TRUB1: variants seen among roughly 807,000 people sequenced by gnomAD.
TRUB1 encodes the protein TruB pseudouridine synthase family member 1, also known as pseudouridylate synthase TRUB1.
In TRUB1, 23 loss-of-function variants were observed where a neutral mutation model predicts 33.9. The observed-to-expected ratio is 0.68, with a 90% CI of 0.49 to 0.96. TRUB1 has a LOEUF of 0.96. Among genes scored for constraint, TRUB1 ranks in the 40% least tolerant of loss-of-function variants. The pLI is 0.00. For synonymous variants in TRUB1, 163 were observed against 165.4 expected (o/e 0.99, Z 0.11); for missense variants, 378 against 422.2 (o/e 0.90, Z 0.92).
At chr10:114,972,551 A>C (rs1246719838) in intron 6 of TRUB1, among the ~76,000 whole-genome samples, 1 of 152,180 alleles carries the variant, frequency 6.6e-6, no homozygotes, top group African/African-American at 2.4e-5. Flanking sequence ...CATACTTTAG[A>C]TCTCTATAGA....
chr10:114,972,388 G>T lies in TRUB1; in HGVS notation c.736+114G>T, dbSNP rs2084341051. On this transcript the variant is annotated intron_variant, in intron 6 of 7. Transcript: ENST00000298746. The stretch of plus-strand genomic sequence containing the variant: ...GGATGTTGGAGATTTTTTAAAATTT[G>T]AATTTAAGGAAAGTTAGGATTTCTT... 2.5e-6 allele frequency: 3 copies of T among 1,216,000 alleles called. No homozygotes were observed. The South Asian group carries it at 4.8e-5, about 19-fold the overall frequency. The allele number at this position is 1,216,000 out of a possible 1,614,324, so 75.3% of individuals were successfully genotyped here. A position where few individuals can be genotyped will look rare whatever the true frequency, so the allele number is the denominator to read the frequency against.
At chr10:114,973,954 A>T (rs1203108106) in intron 6 of TRUB1, among the ~76,000 whole-genome samples, 1 of 152,198 alleles carries the variant, frequency 6.6e-6, no homozygotes, top group Non-Finnish European at 1.5e-5. Context: ...CTAACCATTT[A>T]CAACCTATTA....
intron 2 of TRUB1, 132 bp from the exon 3 acceptor site, chr10:114,950,962 C>A: frequency 1.5e-6 from 1 of 660,354 alleles, no homozygotes; most frequent in Non-Finnish European, 2.6e-6. Flanking sequence ...GGAGCCCTAA[C>A]ATTTTGCTAA....
chr10:114,943,482 A>G (rs2084198140), intron 2 of TRUB1, among the ~76,000 whole-genome samples: 1 of 152,172 alleles, frequency 6.6e-6, no homozygotes, highest in Non-Finnish European at 1.5e-5. Context: ...GTGAGCCGAG[A>G]TCGCACCACT....
chr10:114,955,968 A>G (rs1227288803), intron 3 of TRUB1, among the ~76,000 whole-genome samples: 2 of 152,150 alleles, frequency 1.3e-5, no homozygotes, highest in East Asian at 3.8e-4. Context: ...TAATATCCCT[A>G]TTTTGTTTGT....
intron 4 of TRUB1, 141 bp downstream of exon 4, chr10:114,959,948 T>C: frequency 1.7e-6 from 1 of 601,008 alleles, no homozygotes; most frequent in Non-Finnish European, 2.9e-6. Flanking sequence ...GATTGGAAAT[T>C]GTTTATCGCA....
In TRUB1 at chr10:114,959,766, C is replaced by T. The variant is rs151175881; in HGVS notation, c.482C>T (p.Thr161Ile). The T allele has an allele frequency of 2.2e-5, 35 of 1,609,288 alleles. No homozygotes were observed. Among genetic ancestry groups the T allele is most frequent in the Non-Finnish European group, 2.9e-5 (34 of 1,175,876 alleles). Residue 161 changes from threonine to isoleucine, a missense_variant, in exon 4 of 8, where the codon ACA becomes ATA. Thr to Ile is a moderately conservative substitution (Grantham distance 89). Coordinates refer to ENST00000298746, the MANE Select transcript of TRUB1 (RefSeq NM_139169.5). ...GGAGAACTGGGGAAAGCTACTGATACACTAGATTCTACGGGGAGGGTAACA... is the reference window on the plus strand; with the variant it reads ...GGAGAACTGGGGAAAGCTACTGATATACTAGATTCTACGGGGAGGGTAACA... ...AIGELGKATD[T>I]LDSTGRVTEE...
At chr10:114,961,924 T>A (rs1460664100) in intron 4 of TRUB1, among the ~76,000 whole-genome samples, 1 of 152,248 alleles carries the variant, frequency 6.6e-6, no homozygotes, top group Non-Finnish European at 1.5e-5. Context: ...CAATATCTTA[T>A]AATGCCTTCT....
Position 114,975,429 on chromosome 10 carries a change from T to A in TRUB1, c.*50T>A. On this transcript the variant is annotated 3_prime_UTR_variant, in exon 8 of 8. Coordinates refer to ENST00000298746, the MANE Select transcript of TRUB1 (RefSeq NM_139169.5). ...TTCTAGTTGACATTTGAATCCTGTG[T>A]GCAGATGCAGAATGACAAGCTGCAT... is the stretch of plus-strand genomic sequence containing the variant. 2.0e-6 allele frequency: 3 copies of A among 1,467,534 alleles called. No homozygotes were observed. The highest frequency in any genetic ancestry group is 2.7e-6 in the Non-Finnish European group (3 of 1,106,612). 90.9% of individuals were successfully genotyped at this position (1,467,534 alleles called of 1,614,324 possible). A position where few individuals can be genotyped will look rare whatever the true frequency, so the allele number is the denominator to read the frequency against.
In TRUB1 at chr10:114,969,783, G is replaced by A. The variant is rs2084327383; in HGVS notation, c.524-585G>A. Among the ~76,000 whole-genome samples, 4 of 150,690 alleles carry A rather than the reference G, an allele frequency of 2.7e-5. No homozygotes were observed. In the South Asian group the frequency reaches 8.4e-4, roughly 32 times the overall value. Reference sequence around the variant, plus strand: ...TCCAACAACAGAGAAGGGGGAGGCTGGGGCGGGGGGACAGATAAATGCAAT... The same window carrying A: ...TCCAACAACAGAGAAGGGGGAGGCTAGGGCGGGGGGACAGATAAATGCAAT... On this transcript the variant is annotated intron_variant, in intron 4 of 7. Transcript: ENST00000298746.
In TRUB1 at chr10:114,939,995, G is replaced by C. The variant is rs559677545; in HGVS notation, c.286+1456G>C. On this transcript the variant is annotated intron_variant, in intron 1 of 7. Coordinates refer to ENST00000298746, the MANE Select transcript of TRUB1 (RefSeq NM_139169.5). Reference sequence around the variant, plus strand: ...CTTGCTAGGCTAGAACCTTTAGCTAGAGACATTCTCATTATCCTCGATTTC... The same window carrying C: ...CTTGCTAGGCTAGAACCTTTAGCTACAGACATTCTCATTATCCTCGATTTC... 1.4e-4 allele frequency among the ~76,000 whole-genome samples: 22 copies of C among 152,224 alleles called. No individual in the cohort carries two copies. The South Asian group carries it at 3.9e-3, about 27-fold the overall frequency.
chr10:114,943,095 C>T (rs899191796), intron 2 of TRUB1, among the ~76,000 whole-genome samples: 8 of 152,284 alleles, frequency 5.3e-5, no homozygotes, highest in Middle Eastern at 3.4e-3. Flanking sequence ...GGAGTGTTCC[C>T]ACCCTTCTCT....
intron 3 of TRUB1, among the ~76,000 whole-genome samples, chr10:114,958,056 C>T (rs1375470777): frequency 6.6e-6 from 1 of 152,146 alleles, no homozygotes. Flanking sequence ...TCTCATGAGG[C>T]ATTATTGTTT....
At chr10:114,939,136 A>G (rs1417864536) in intron 1 of TRUB1, among the ~76,000 whole-genome samples, 1 of 152,214 alleles carries the variant, frequency 6.6e-6, no homozygotes, top group Non-Finnish European at 1.5e-5. Context: ...TTTATGGACC[A>G]CATTTGAGGA....
chr10:114,974,981 C>T (rs950283565), intron 7 of TRUB1, 142 bp from the exon 8 acceptor site: 2 of 898,028 alleles, frequency 2.2e-6, no homozygotes, highest in Admixed American at 3.2e-5. Flanking sequence ...TATCTGAGGC[C>T]TCTTGGTTCT....
At chr10:114,962,176 C>T (rs2084287452) in intron 4 of TRUB1, among the ~76,000 whole-genome samples, 2 of 152,274 alleles carry the variant, frequency 1.3e-5, no homozygotes, top group South Asian at 4.1e-4. Context: ...CTGCCTCAGC[C>T]TCCTGAGTAG....
chr10:114,938,236 G>C lies in TRUB1; in HGVS notation c.-18G>C. 1 of 1,612,970 alleles carries C rather than the reference G, an allele frequency of 6.2e-7. No individual in the cohort carries two copies. The highest frequency in any genetic ancestry group is 8.5e-7 in the Non-Finnish European group (1 of 1,179,682). On this transcript the variant is annotated 5_prime_UTR_variant, in exon 1 of 8. Transcript: ENST00000298746. ...CAGCGTGCACCTCCACGATGAAACA[G>C]GTCTGGGCTACAAAAGTATGGCCGC... is the stretch of plus-strand genomic sequence containing the variant.
At chr10:114,944,740 T>C (rs777798023) in intron 2 of TRUB1, among the ~76,000 whole-genome samples, 12 of 152,076 alleles carry the variant, frequency 7.9e-5, no homozygotes, top group Admixed American at 2.0e-4. Context: ...ATCCCAGTAC[T>C]TTGGGAGGCC....
intron 4 of TRUB1, 150 bp downstream of exon 4, chr10:114,959,957 C>A: frequency 1.7e-6 from 1 of 585,744 alleles, no homozygotes; most frequent in Non-Finnish European, 3.0e-6. Context: ...TTGTTTATCG[C>A]ATTGTTGCTT....
Sources: gnomAD v4.1 joint callset for allele counts (sites outside exome capture counted in the v4.1 genomes callset) on GRCh38, gnomAD v4.1.1 for gene constraint, MANE v1.5 for transcripts, NCBI Gene and HGNC (gene_info 2026-07-23, HGNC 2026-07-21) for gene names.